The following RETREG3 variants were observed in gnomAD, a reference collection of about 807,000 sequenced individuals.
RETREG3 encodes reticulophagy regulator family member 3, also known as reticulophagy regulator 3.
Under a neutral mutation model 50.2 loss-of-function variants are expected in RETREG3, and 23 were observed. The observed-to-expected ratio is 0.46, with a 90% CI of 0.33 to 0.65. The LOEUF (loss-of-function observed/expected upper bound fraction) is 0.65. Among genes scored for constraint, RETREG3 ranks in the 30% least tolerant of loss-of-function variants. RETREG3 has a pLI of 0.02. For synonymous variants in RETREG3, 240 were observed against 234.4 expected (o/e 1.02, Z -0.22); for missense variants, 546 against 598.0 (o/e 0.91, Z 0.91).
At chr17:42,584,158 C>T (rs1480690635) in intron 6 of RETREG3, among the ~76,000 whole-genome samples, 1 of 152,150 alleles carries the variant, frequency 6.6e-6, no homozygotes, top group East Asian at 1.9e-4. Flanking sequence ...GCTTTGTCAA[C>T]AACTCTCTGG....
chr17:42,609,353 C>T lies in RETREG3; in HGVS notation c.-29G>A, dbSNP rs2093175464. 1.9e-6 allele frequency: 3 copies of T among 1,579,540 alleles called. No individual in the cohort carries two copies. The highest frequency in any genetic ancestry group is 1.7e-6 in the Non-Finnish European group (2 of 1,168,348). The stretch of plus-strand genomic sequence containing the variant: ...CCCGCGGCAGCCACAACATCCGGGG[C>T]CGTGGCCCGACAAGTCACAATAACA... On this transcript the variant is annotated 5_prime_UTR_variant, in exon 1 of 9. Coordinates refer to ENST00000309428, the MANE Select transcript of RETREG3 (RefSeq NM_178126.4).
chr17:42,594,890 A>C (rs1241493870), intron 1 of RETREG3, among the ~76,000 whole-genome samples: 1 of 150,786 alleles, frequency 6.6e-6, no homozygotes, highest in Non-Finnish European at 1.5e-5. Context: ...CCGGCTGTAC[A>C]TTTGAATATA....
In RETREG3 at chr17:42,580,806, G is replaced by A. The variant is rs1219051011; in HGVS notation, c.*1007C>T. 6.6e-6 allele frequency: 1 copy of A among 152,100 alleles called. No individual in the cohort carries two copies. Among genetic ancestry groups the A allele is most frequent in the Non-Finnish European group, 1.5e-5 (1 of 68,022 alleles). 9.4% of individuals were successfully genotyped at this position (152,100 alleles called of 1,614,324 possible). ...TAATCCCAACACTTTGGGTGGCTGA[G>A]GCGGGCTGATCATTTGCAGTCAGGA... On this transcript the variant is annotated 3_prime_UTR_variant, in exon 9 of 9. Coordinates refer to ENST00000309428, the MANE Select transcript of RETREG3 (RefSeq NM_178126.4).
At chr17:42,604,780 G>C (rs1255303235) in intron 1 of RETREG3, among the ~76,000 whole-genome samples, 1 of 151,570 alleles carries the variant, frequency 6.6e-6, no homozygotes, top group Non-Finnish European at 1.5e-5. Context: ...AGGTGGGAGA[G>C]GGAGCTTGGA....
chr17:42,597,920 G>A (rs985582372), intron 1 of RETREG3, among the ~76,000 whole-genome samples: 1 of 150,146 alleles, frequency 6.7e-6, no homozygotes, highest in East Asian at 1.9e-4. Flanking sequence ...ATAAGCCACC[G>A]CGCCTGGCCA....
At chr17:42,608,183 C>CAGGG (rs1332549340) in intron 1 of RETREG3, among the ~76,000 whole-genome samples, 1 of 152,130 alleles carries the variant, frequency 6.6e-6, no homozygotes, top group African/African-American at 2.4e-5. Context: ...AGCAGAAAGC[C>CAGGG]CCCTATAAGT....
At chr17:42,591,852 G>GT (rs2093133917) in intron 2 of RETREG3, among the ~76,000 whole-genome samples, 1 of 152,174 alleles carries the variant, frequency 6.6e-6, no homozygotes, top group Non-Finnish European at 1.5e-5. Flanking sequence ...CCTGTGCTTA[G>GT]TAACAATGGG....
rs199929077 is a variant in RETREG3 at position 42,609,370 on chromosome 17, A to T, written c.-46T>A. 6.4e-7 allele frequency: 1 copy of T among 1,559,824 alleles called. No homozygotes were observed. The highest frequency in any genetic ancestry group is 1.4e-5 in the African/African-American group (1 of 73,584). On this transcript the variant is annotated 5_prime_UTR_variant, in exon 1 of 9. Transcript: ENST00000309428. The stretch of plus-strand genomic sequence containing the variant: ...ATCCGGGGCCGTGGCCCGACAAGTC[A>T]CAATAACAGCAACTGCGCAGATGCG...
intron 6 of RETREG3, 64 bp downstream of exon 6, chr17:42,585,061 C>T: frequency 4.4e-6 from 7 of 1,590,764 alleles, no homozygotes; most frequent in Non-Finnish European, 6.0e-6. Context: ...GTATGTCAGA[C>T]CTATGGGCTT....
At chr17:42,606,941 G>A (rs1323380473) in intron 1 of RETREG3, among the ~76,000 whole-genome samples, 1 of 152,160 alleles carries the variant, frequency 6.6e-6, no homozygotes, top group Non-Finnish European at 1.5e-5. Flanking sequence ...AGGTTGTAGT[G>A]AGCTGAGATC....
At position 42,580,277 on chromosome 17, in the gene RETREG3, G is replaced by A. The variant is rs2093104532; in HGVS notation, c.*1536C>T. 1 of 152,724 alleles carries A rather than the reference G, an allele frequency of 6.5e-6. No individual in the cohort carries two copies. Among genetic ancestry groups the A allele is most frequent in the Admixed American group, 6.5e-5 (1 of 15,278 alleles). 9.5% of individuals were successfully genotyped at this position (152,724 alleles called of 1,614,324 possible). Reference sequence around the variant, plus strand: ...AGTTGAAAATAAAAGCTGTAAAGGAGCTGAACAGGAAGTAAGAATAGGTGG... The same window carrying A: ...AGTTGAAAATAAAAGCTGTAAAGGAACTGAACAGGAAGTAAGAATAGGTGG... On this transcript the variant is annotated 3_prime_UTR_variant, in exon 9 of 9. Transcript: ENST00000309428.
chr17:42,601,774 C>T (rs908144233), intron 1 of RETREG3, among the ~76,000 whole-genome samples: 1 of 150,550 alleles, frequency 6.6e-6, no homozygotes, highest in Non-Finnish European at 1.5e-5. Flanking sequence ...GCTGGGATTA[C>T]AGGCATGCGC....
At chr17:42,607,297 G>C (rs185078193) in intron 1 of RETREG3, among the ~76,000 whole-genome samples, 38 of 151,478 alleles carry the variant, frequency 2.5e-4, no homozygotes, top group African/African-American at 9.0e-4. Flanking sequence ...CTAGGAGTTC[G>C]AGACCAGCCT....
chr17:42,602,227 G>A (rs1472082200), intron 1 of RETREG3, among the ~76,000 whole-genome samples: 1 of 151,700 alleles, frequency 6.6e-6, no homozygotes, highest in Non-Finnish European at 1.5e-5. Context: ...TGAGGCAGGA[G>A]AACTGCTTGA....
At position 42,586,647 on chromosome 17, in the gene RETREG3, T is replaced by G; in HGVS notation, c.504+118A>C. ...CTTTCCTATAGCTTCCTTTTGTCTC[T>G]ATGAACATCATAGTCTTTACTTTCT... On this transcript the variant is annotated intron_variant, in intron 4 of 8. Coordinates refer to ENST00000309428, the MANE Select transcript of RETREG3 (RefSeq NM_178126.4). 2.1e-6 allele frequency: 3 copies of G among 1,414,220 alleles called. No individual in the cohort carries two copies. In the Admixed American group the frequency reaches 6.7e-5, roughly 32 times the overall value. 87.6% of individuals were successfully genotyped at this position (1,414,220 alleles called of 1,614,324 possible).
At chr17:42,600,092 C>T (rs1442147306) in intron 1 of RETREG3, among the ~76,000 whole-genome samples, 1 of 151,848 alleles carries the variant, frequency 6.6e-6, no homozygotes, top group Non-Finnish European at 1.5e-5. Context: ...AATAAAACCA[C>T]ACACAACAGG....
intron 1 of RETREG3, chr17:42,596,423 T>A (rs961485644): frequency 6.6e-6 from 1 of 151,168 alleles, no homozygotes; most frequent in South Asian, 2.1e-4. Context: ...TTTAGTTTTT[T>A]TCTTATTACA....
chr17:42,603,038 C>A (rs2093161362), intron 1 of RETREG3, among the ~76,000 whole-genome samples: 1 of 151,132 alleles, frequency 6.6e-6, no homozygotes, highest in Non-Finnish European at 1.5e-5. Flanking sequence ...TTTTATATAT[C>A]CATTGATTTT....
At chr17:42,605,262 GTTTT>G (rs10716297) in intron 1 of RETREG3, 1 of 151,030 alleles carries the variant, frequency 6.6e-6, no homozygotes, top group Non-Finnish European at 1.5e-5. Context: ...ATTCTGATGG[GTTTT>G]TTTTTGTACT....
Sources: gnomAD v4.1 joint callset for allele counts (sites outside exome capture counted in the v4.1 genomes callset) on GRCh38, gnomAD v4.1.1 for gene constraint, MANE v1.5 for transcripts, NCBI Gene and HGNC (gene_info 2026-07-23, HGNC 2026-07-21) for gene names.